MAML2: variants seen among roughly 807,000 people sequenced by gnomAD.
MAML2 encodes the protein mastermind like transcriptional coactivator 2.
A neutral mutation model predicts 96.1 loss-of-function variants in MAML2; 22 were observed. That is an observed-to-expected ratio of 0.23 (90% CI 0.16 to 0.33). MAML2 has a LOEUF of 0.33. MAML2 is among the 10% of genes least tolerant of loss of function. The pLI, the probability that MAML2 is intolerant of heterozygous loss-of-function variation, is 1.00. For missense variants in MAML2, 1,367 were observed against 1,392.4 expected (o/e 0.98, Z 0.29); for synonymous variants, 561 against 521.3 (o/e 1.08, Z -1.04).
intron 1 of MAML2, among the ~76,000 whole-genome samples, chr11:96,176,527 C>A (rs1861390861): frequency 6.6e-6 from 1 of 152,100 alleles, no homozygotes; most frequent in Admixed American, 6.5e-5. Flanking sequence ...GTAGGAAGGA[C>A]CGCTTTTGGA....
intron 1 of MAML2, among the ~76,000 whole-genome samples, chr11:96,160,069 T>C (rs769217968): frequency 3.3e-5 from 5 of 152,150 alleles, no homozygotes; most frequent in African/African-American, 9.7e-5. Flanking sequence ...CCTGCCACAG[T>C]GCTTTTCCCC....
chr11:96,244,317 A>G (rs1862483540), intron 1 of MAML2, among the ~76,000 whole-genome samples: 1 of 152,262 alleles, frequency 6.6e-6, no homozygotes. Context: ...CTGCCCTATT[A>G]TGACGTGTAA....
chr11:96,201,715 C>T (rs1306506797), intron 1 of MAML2, among the ~76,000 whole-genome samples: 7 of 151,748 alleles, frequency 4.6e-5, no homozygotes, highest in African/African-American at 1.5e-4. Context: ...GTCAGGAGAT[C>T]GAGACCATCC....
In MAML2 at chr11:96,167,164, A is replaced by G. The variant is rs116522425; in HGVS notation, c.514-73647T>C. Among the ~76,000 whole-genome samples the G allele has an allele frequency of 4.6e-3, 697 of 152,296 alleles. 2 individuals are homozygous for G. Among genetic ancestry groups the G allele is most frequent in the African/African-American group, 0.016 (664 of 41,546 alleles). ...TTTCTTGGAGTCCTTATTTCAGTTA[A>G]TGCCATTGCCATTTGTGTTAGAAAA... is the stretch of plus-strand genomic sequence containing the variant. On this transcript the variant is annotated intron_variant, in intron 1 of 4. Transcript: ENST00000524717.
chr11:96,261,935 G>A (rs12788415), intron 1 of MAML2, among the ~76,000 whole-genome samples: 9 of 152,044 alleles, frequency 5.9e-5, no homozygotes, highest in African/African-American at 1.4e-4. Context: ...TATTTGATAC[G>A]GTCAGAATTC....
Position 96,227,728 on chromosome 11 carries a change from G to A in MAML2, c.513+113655C>T, listed in dbSNP as rs151048305. ...TGAGAAAAGGCATACAATGTGTTTT[G>A]CTTAACACCTGGCAGAGAACAAGTG... On this transcript the variant is annotated intron_variant, in intron 1 of 4. Transcript: ENST00000524717. Among the ~76,000 whole-genome samples, 462 of 152,298 alleles carry A rather than the reference G, an allele frequency of 3.0e-3. 2 individuals are homozygous for A. Among genetic ancestry groups the A allele is most frequent in the African/African-American group, 0.011 (441 of 41,568 alleles).
At chr11:96,077,818 A>G (rs1026851032) in intron 2 of MAML2, among the ~76,000 whole-genome samples, 2 of 152,188 alleles carry the variant, frequency 1.3e-5, no homozygotes, top group African/African-American at 4.8e-5. Context: ...AGGCTATAGA[A>G]ATACAACTGA....
At chr11:96,147,404 G>C (rs932766975) in intron 1 of MAML2, among the ~76,000 whole-genome samples, 1 of 151,768 alleles carries the variant, frequency 6.6e-6, no homozygotes, top group East Asian at 1.9e-4. Context: ...CTTTATCCTT[G>C]AATTCATAAC....
In MAML2 at chr11:96,307,506, A is replaced by G. The variant is rs932333163; in HGVS notation, c.513+33877T>C. ...ATCTTCATACAAAACTCCCATTCAC[A>G]TCTAGCCCAGGCACTCTCGACAGCA... On this transcript the variant is annotated intron_variant, in intron 1 of 4. Transcript: ENST00000524717. 1.8e-4 allele frequency among the ~76,000 whole-genome samples: 28 copies of G among 152,214 alleles called. 1 individual carries two copies. Among genetic ancestry groups the G allele is most frequent in the Middle Eastern group, 3.4e-3 (1 of 294 alleles).
chr11:96,027,409 G>T (rs759723505), intron 2 of MAML2, among the ~76,000 whole-genome samples: 1 of 152,184 alleles, frequency 6.6e-6, no homozygotes, highest in East Asian at 1.9e-4. Flanking sequence ...GCCAGGCTGT[G>T]ATTTCAACTT....
Position 96,056,666 on chromosome 11 carries a change from A to G in MAML2, c.2139+35226T>C, listed in dbSNP as rs77775989. Among the ~76,000 whole-genome samples the G allele has an allele frequency of 5.3e-4, 81 of 152,340 alleles. 1 individual carries two copies. In the East Asian group the frequency reaches 0.013, roughly 24 times the overall value. On this transcript the variant is annotated intron_variant, in intron 2 of 4. Transcript: ENST00000524717. Reference sequence around the variant, plus strand: ...ATTTACATGGAAGCTGAGAGTATACAGTATCAATAAAATGTACCTTTGACA... The same window carrying G: ...ATTTACATGGAAGCTGAGAGTATACGGTATCAATAAAATGTACCTTTGACA...
At chr11:96,290,632 G>A (rs1473358160) in intron 1 of MAML2, among the ~76,000 whole-genome samples, 2 of 152,184 alleles carry the variant, frequency 1.3e-5, no homozygotes, top group Non-Finnish European at 2.9e-5. Context: ...ACAGTTTCAT[G>A]TAAGTAAATT....
At chr11:96,224,195 A>G (rs939640588) in intron 1 of MAML2, among the ~76,000 whole-genome samples, 17 of 152,230 alleles carry the variant, frequency 1.1e-4, no homozygotes, top group African/African-American at 3.6e-4. Flanking sequence ...TAAATTACTT[A>G]GTAGATAGTA....
intron 2 of MAML2, among the ~76,000 whole-genome samples, chr11:96,091,160 A>AT (rs1177539177): frequency 2.0e-5 from 3 of 152,116 alleles, no homozygotes; most frequent in Admixed American, 6.5e-5. Flanking sequence ...GTTACCAGAG[A>AT]TTTTTTTTAT....
At chr11:96,031,217 T>C (rs763585652) in intron 2 of MAML2, among the ~76,000 whole-genome samples, 8 of 152,258 alleles carry the variant, frequency 5.3e-5, no homozygotes, top group Non-Finnish European at 1.2e-4. Flanking sequence ...CCTTTTCTCC[T>C]GCATTACACG....
intron 2 of MAML2, among the ~76,000 whole-genome samples, chr11:96,027,697 C>T (rs557855972): frequency 2.2e-4 from 33 of 152,082 alleles, no homozygotes; most frequent in Non-Finnish European, 4.0e-4. Context: ...CTGAGGGGAG[C>T]GTAGTACATT....
At chr11:96,002,621 A>AGAT (rs1413292500) in intron 2 of MAML2, among the ~76,000 whole-genome samples, 3 of 136,148 alleles carry the variant, frequency 2.2e-5, no homozygotes, top group African/African-American at 8.4e-5. Context: ...AGGAGGATGG[A>AGAT]GATGATGATG....
At chr11:96,326,654 C>T (rs1863788730) in intron 1 of MAML2, among the ~76,000 whole-genome samples, 1 of 151,692 alleles carries the variant, frequency 6.6e-6, no homozygotes, top group Non-Finnish European at 1.5e-5. Flanking sequence ...AAAAATTAGC[C>T]AGGTATGGTG....
chr11:96,332,225 A>G (rs1312013780), intron 1 of MAML2, among the ~76,000 whole-genome samples: 1 of 152,242 alleles, frequency 6.6e-6, no homozygotes, highest in Admixed American at 6.5e-5. Flanking sequence ...AGACAAAACA[A>G]TTCCCATGCA....
Sources: gnomAD v4.1 joint callset for allele counts (sites outside exome capture counted in the v4.1 genomes callset) on GRCh38, gnomAD v4.1.1 for gene constraint, MANE v1.5 for transcripts, NCBI Gene and HGNC (gene_info 2026-07-23, HGNC 2026-07-21) for gene names.